Variants in MTMR3 observed in about 807,000 individuals in gnomAD.
The protein encoded by MTMR3 is myotubularin related protein 3.
In MTMR3, 32 loss-of-function variants were observed where a neutral mutation model predicts 132.4. The observed-to-expected ratio is 0.24, with a 90% CI of 0.18 to 0.32. MTMR3 has a LOEUF of 0.32. Among genes scored for constraint, MTMR3 ranks in the 10% least tolerant of loss-of-function variants. The probability of loss-of-function intolerance (pLI) is 1.00; values close to 1 mark genes in which losing one functional copy is unlikely to be tolerated. For synonymous variants in MTMR3, 556 were observed against 550.3 expected (o/e 1.01, Z -0.14); for missense variants, 1,216 against 1,489.6 (o/e 0.82, Z 3.02).
At chr22:30,008,069 C>T (rs777263502) in intron 11 of MTMR3, 37 bp downstream of exon 11, 35 of 1,605,222 alleles carry the variant, frequency 2.2e-5, no homozygotes, top group Non-Finnish European at 2.9e-5. Context: ...ATACTTTCTC[C>T]TTGTGAGTGT....
chr22:29,996,916 G>A (rs2067073114), intron 7 of MTMR3: 1 of 152,010 alleles, frequency 6.6e-6, no homozygotes, highest in South Asian at 2.1e-4. Flanking sequence ...TGGAGATGGG[G>A]TTGCCCATGG....
intron 17 of MTMR3, 79 bp downstream of exon 17, chr22:30,020,963 A>C: frequency 7.4e-7 from 1 of 1,350,922 alleles, no homozygotes; most frequent in Non-Finnish European, 1.0e-6. Flanking sequence ...TGCCCAGTGC[A>C]TGGTGATTGG....
At chr22:29,901,078 TAG>T in intron 1 of MTMR3, among the ~76,000 whole-genome samples, 1 of 152,120 alleles carries the variant, frequency 6.6e-6, no homozygotes, top group East Asian at 1.9e-4. Context: ...AATAATCTGT[TAG>T]AGAGTTTTTG....
intron 1 of MTMR3, among the ~76,000 whole-genome samples, chr22:29,887,195 G>A (rs1447453421): frequency 6.6e-6 from 1 of 152,182 alleles, no homozygotes; most frequent in African/African-American, 2.4e-5. Flanking sequence ...ATTGTAGCAT[G>A]AAAGTGGGTA....
At chr22:29,885,352 A>T (rs2064652239) in intron 1 of MTMR3, among the ~76,000 whole-genome samples, 1 of 152,206 alleles carries the variant, frequency 6.6e-6, no homozygotes, top group African/African-American at 2.4e-5. Context: ...TAAGAGGTGG[A>T]GAAGGGGAAG....
At chr22:29,911,984 G>A (rs540384844) in intron 1 of MTMR3, among the ~76,000 whole-genome samples, 1 of 152,262 alleles carries the variant, frequency 6.6e-6, no homozygotes, top group African/African-American at 2.4e-5. Context: ...TTCTTACAAA[G>A]TAGCTATGAT....
intron 1 of MTMR3, among the ~76,000 whole-genome samples, chr22:29,912,606 C>CA (rs1479126565): frequency 2.0e-5 from 3 of 152,112 alleles, no homozygotes; most frequent in African/African-American, 7.2e-5. Flanking sequence ...AAGCTGTTGT[C>CA]ATTATGTTGC....
intron 1 of MTMR3, among the ~76,000 whole-genome samples, chr22:29,936,616 A>G (rs2065755021): frequency 6.6e-6 from 1 of 152,172 alleles, no homozygotes; most frequent in South Asian, 2.1e-4. Context: ...TGGCTGGAGG[A>G]TATTTAATAA....
At chr22:30,017,369 A>G (rs1263017158) in intron 15 of MTMR3, 1 of 155,568 alleles carries the variant, frequency 6.4e-6, no homozygotes, top group Non-Finnish European at 1.4e-5. Flanking sequence ...TGGACTATTA[A>G]TATGGTTCTC....
Position 29,919,805 on chromosome 22 carries a change from G to A in MTMR3, c.-138+36446G>A, listed in dbSNP as rs147942216. On this transcript the variant is annotated intron_variant, in intron 1 of 19. Coordinates refer to ENST00000401950, the MANE Select transcript of MTMR3 (RefSeq NM_021090.4). ...ACCTTCCCATAGTGTTGGGATTAGAGGCATGAGCCACTGCACCCAGCCTGG... is the reference window on the plus strand; with the variant it reads ...ACCTTCCCATAGTGTTGGGATTAGAAGCATGAGCCACTGCACCCAGCCTGG... Among the ~76,000 whole-genome samples, 145 of 152,248 alleles carry A rather than the reference G, an allele frequency of 9.5e-4. 3 individuals are homozygous for A. The East Asian group carries it at 0.027, about 28-fold the overall frequency.
rs545007450 is a variant in MTMR3, at chr22:30,018,235, C to T, written c.1820+163C>T. 14 of 760,372 alleles carry T rather than the reference C, an allele frequency of 1.8e-5. 1 individual carries two copies. The highest frequency in any genetic ancestry group is 9.1e-5 in the African/African-American group (5 of 54,898). 47.1% of individuals were successfully genotyped at this position (760,372 alleles called of 1,614,324 possible). A position where few individuals can be genotyped will look rare whatever the true frequency, so the allele number is the denominator to read the frequency against. ...GGAAGTTATAGGGATTTCTGAGCTA[C>T]GAGGCTGTAAGATCCTTGTTTCTGG... On this transcript the variant is annotated intron_variant, in intron 16 of 19. Transcript: ENST00000401950.
intron 14 of MTMR3, 126 bp downstream of exon 14, chr22:30,013,667 T>G: frequency 1.0e-6 from 1 of 954,816 alleles, no homozygotes; most frequent in Non-Finnish European, 1.5e-6. Flanking sequence ...TTTTTCCTGT[T>G]TCTGCTTTTT....
At chr22:29,930,098 T>G (rs1435601813) in intron 1 of MTMR3, among the ~76,000 whole-genome samples, 1 of 152,210 alleles carries the variant, frequency 6.6e-6, no homozygotes, top group African/African-American at 2.4e-5. Context: ...TTTAAAGCCT[T>G]AGGAGTGTGT....
intron 1 of MTMR3, among the ~76,000 whole-genome samples, chr22:29,933,312 A>AC (rs2065682751): frequency 6.6e-6 from 1 of 151,958 alleles, no homozygotes. Context: ...TCCAGGCAAA[A>AC]AAAACTGTGA....
intron 6 of MTMR3, chr22:29,991,002 T>C (rs1314140453): frequency 6.6e-6 from 1 of 152,482 alleles, no homozygotes; most frequent in Non-Finnish European, 1.5e-5. Flanking sequence ...AGCTGAAAGT[T>C]TCAGTGCAAT....
At chr22:29,991,991 A>C (rs2066970963) in intron 7 of MTMR3, 1 of 194,338 alleles carries the variant, frequency 5.1e-6, no homozygotes, top group Non-Finnish European at 1.0e-5. Context: ...CTTCACATTT[A>C]AAGTGGCTTT....
chr22:29,897,631 T>G (rs564028182), intron 1 of MTMR3, among the ~76,000 whole-genome samples: 1 of 152,032 alleles, frequency 6.6e-6, no homozygotes, highest in South Asian at 2.1e-4. Flanking sequence ...TTTCTTATTT[T>G]TAGTAGAGAC....
intron 14 of MTMR3, chr22:30,015,222 AT>A (rs35996424): frequency 0.085 from 12,019 of 141,174 alleles, 784 homozygotes; most frequent in South Asian, 0.25. Flanking sequence ...GATGTTTTTA[AT>A]TTTTTTTTTT....
chr22:29,987,690 C>CT (rs2066885509), intron 5 of MTMR3: 1 of 152,248 alleles, frequency 6.6e-6, no homozygotes, highest in Admixed American at 6.5e-5. Flanking sequence ...TCCCTTCTCT[C>CT]TATCTGCTGT....
Sources: gnomAD v4.1 joint callset for allele counts (sites outside exome capture counted in the v4.1 genomes callset) on GRCh38, gnomAD v4.1.1 for gene constraint, MANE v1.5 for transcripts, NCBI Gene and HGNC (gene_info 2026-07-23, HGNC 2026-07-21) for gene names.